Variants in SHANK2 observed in about 807,000 individuals in gnomAD.
The protein encoded by SHANK2 is SH3 and multiple ankyrin repeat domains protein 2.
Under a neutral mutation model 133.7 loss-of-function variants are expected in SHANK2, and 43 were observed. The ratio of observed to expected loss-of-function variants is 0.32; its 90% CI spans 0.25 to 0.41. The LOEUF (loss-of-function observed/expected upper bound fraction) is 0.41, where lower values mean the gene tolerates loss of function less well. SHANK2 is among the 10% of genes least tolerant of loss of function. The pLI is 1.00. For missense variants in SHANK2, 1,994 were observed against 2,235.8 expected (o/e 0.89, Z 2.18); for synonymous variants, 1,017 against 952.8 (o/e 1.07, Z -1.24).
chr11:71,250,297 T>C (rs528161754), intron 1 of SHANK2, among the ~76,000 whole-genome samples: 4 of 152,320 alleles, frequency 2.6e-5, no homozygotes, highest in African/African-American at 9.6e-5. Context: ...CAATTCTTCC[T>C]TCCAGGAAAA....
chr11:70,712,241 T>G (rs1555026334), intron 14 of SHANK2, among the ~76,000 whole-genome samples: 1 of 152,218 alleles, frequency 6.6e-6, no homozygotes, highest in East Asian at 1.9e-4. Context: ...CTCAGCCCTA[T>G]GCCTCCTTTC....
chr11:71,099,010 G>C (rs763407748), intron 6 of SHANK2, among the ~76,000 whole-genome samples: 1 of 152,074 alleles, frequency 6.6e-6, no homozygotes, highest in South Asian at 2.1e-4. Context: ...ACGGGCCCTC[G>C]GCACCAGGTG....
intron 2 of SHANK2, among the ~76,000 whole-genome samples, chr11:71,201,864 C>T (rs374599869): frequency 2.6e-5 from 4 of 152,300 alleles, no homozygotes; most frequent in East Asian, 1.9e-4. Context: ...CGCCCTGACC[C>T]GAGGAACAAA....
chr11:70,677,575 T>C (rs988628221), intron 15 of SHANK2, among the ~76,000 whole-genome samples: 2 of 152,186 alleles, frequency 1.3e-5, no homozygotes, highest in Non-Finnish European at 2.9e-5. Flanking sequence ...TGGTTGCCCC[T>C]GGACAACCCT....
intron 8 of SHANK2, among the ~76,000 whole-genome samples, chr11:71,083,853 T>C (rs983774636): frequency 9.9e-5 from 15 of 152,176 alleles, no homozygotes; most frequent in South Asian, 2.1e-4. Flanking sequence ...TGGGAATGCA[T>C]TGGGGTGTTT....
chr11:71,224,256 T>C (rs1954604441), intron 2 of SHANK2, among the ~76,000 whole-genome samples: 1 of 152,138 alleles, frequency 6.6e-6, no homozygotes, highest in Non-Finnish European at 1.5e-5. Flanking sequence ...ATAGAGCCAC[T>C]GAGCACCAGC....
intron 2 of SHANK2, among the ~76,000 whole-genome samples, chr11:71,215,611 C>T (rs1194388727): frequency 3.3e-5 from 5 of 152,210 alleles, no homozygotes; most frequent in Non-Finnish European, 7.3e-5. Context: ...AACTGTTCCC[C>T]GAGGAGGTGT....
intron 3 of SHANK2, among the ~76,000 whole-genome samples, chr11:71,136,568 T>A (rs1555104809): frequency 1.3e-5 from 2 of 152,230 alleles, no homozygotes; most frequent in African/African-American, 2.4e-5. Flanking sequence ...GCCCACACTT[T>A]ACCTCTATGC....
intron 17 of SHANK2, among the ~76,000 whole-genome samples, chr11:70,613,395 G>GAAA (rs1217828831): frequency 2.0e-5 from 3 of 152,132 alleles, no homozygotes; most frequent in Non-Finnish European, 4.4e-5. Context: ...AGTAGAGACA[G>GAAA]GGTTTCACCG....
At chr11:70,558,295 C>T (rs868982233) in intron 17 of SHANK2, among the ~76,000 whole-genome samples, 1 of 152,236 alleles carries the variant, frequency 6.6e-6, no homozygotes, top group Non-Finnish European at 1.5e-5. Flanking sequence ...GACACCTGTA[C>T]CTGCCCTCTG....
At chr11:70,672,359 C>T (rs1944829559) in intron 15 of SHANK2, among the ~76,000 whole-genome samples, 1 of 152,246 alleles carries the variant, frequency 6.6e-6, no homozygotes, top group Non-Finnish European at 1.5e-5. Context: ...CCACCGCACC[C>T]AGCCTCCCCA....
At chr11:71,167,487 G>T (rs1274352517) in intron 2 of SHANK2, among the ~76,000 whole-genome samples, 3 of 143,024 alleles carry the variant, frequency 2.1e-5, no homozygotes, top group African/African-American at 5.3e-5. Context: ...CAGTAGGGGC[G>T]GCCGGGCAGA....
chr11:70,832,157 C>G (rs964198069), intron 11 of SHANK2, among the ~76,000 whole-genome samples: 1 of 152,124 alleles, frequency 6.6e-6, no homozygotes, highest in East Asian at 1.9e-4. Flanking sequence ...ATTAATGGTG[C>G]CACTTCACAG....
chr11:70,568,646 G>GGCCCCCCCCCCC (rs2059999450), intron 17 of SHANK2, among the ~76,000 whole-genome samples: 2 of 79,966 alleles, frequency 2.5e-5, no homozygotes, highest in Admixed American at 1.2e-4. Context: ...GCGGATTCCT[G>GGCCCCCCCCCCC]CCCCCCCCGC....
Position 70,500,696 on chromosome 11 carries a change from C to T in SHANK2, c.2288-106G>A, listed in dbSNP as rs995973035. 6.1e-6 allele frequency: 9 copies of T among 1,465,634 alleles called. No individual in the cohort carries two copies. Among genetic ancestry groups the T allele is most frequent in the South Asian group, 2.4e-5 (2 of 82,470 alleles). 90.8% of individuals were successfully genotyped at this position (1,465,634 alleles called of 1,614,324 possible). On this transcript the variant is annotated intron_variant, in intron 20 of 25. Coordinates refer to ENST00000601538, the MANE Select transcript of SHANK2 (RefSeq NM_012309.5). This position sits in a 1 kb window ranked among gnomAD's most constrained non-coding sequence, Gnocchi z 4.5. The stretch of plus-strand genomic sequence containing the variant: ...AGGGCGCCTCAGGAGCAGGCTGGGC[C>T]GGCAATGGGGCGGCAGGCAGGGGCT...
chr11:70,854,338 A>G (rs1350884156), intron 11 of SHANK2, among the ~76,000 whole-genome samples: 1 of 152,220 alleles, frequency 6.6e-6, no homozygotes, highest in African/African-American at 2.4e-5. Flanking sequence ...TCCAGCAGAG[A>G]GAAGGCTGCT....
At chr11:71,249,026 CA>C (rs1948133294) in intron 1 of SHANK2, among the ~76,000 whole-genome samples, 1 of 152,192 alleles carries the variant, frequency 6.6e-6, no homozygotes, top group South Asian at 2.1e-4. Flanking sequence ...GAAACAAATA[CA>C]CCCTAGATAT....
chr11:70,790,836 C>A (rs1947772733), intron 14 of SHANK2, among the ~76,000 whole-genome samples: 1 of 152,178 alleles, frequency 6.6e-6, no homozygotes, highest in Admixed American at 6.5e-5. Context: ...CACAGGGTGT[C>A]ACGGGCGATG....
intron 17 of SHANK2, among the ~76,000 whole-genome samples, chr11:70,547,241 T>A (rs896073856): frequency 6.6e-6 from 1 of 152,192 alleles, no homozygotes; most frequent in Admixed American, 6.5e-5. Flanking sequence ...ACCGCAATAG[T>A]CCTGGATAAA....
Sources: gnomAD v4.1 joint callset for allele counts (sites outside exome capture counted in the v4.1 genomes callset) on GRCh38, gnomAD v4.1.1 for gene constraint, Gnocchi (gnomAD v3.1) non-coding constraint, MANE v1.5 for transcripts, NCBI Gene and HGNC (gene_info 2026-07-23, HGNC 2026-07-21) for gene names.